Variants in ANO3 observed in about 807,000 individuals in gnomAD.
The protein encoded by ANO3 is anoctamin-3.
A neutral mutation model predicts 144.8 loss-of-function variants in ANO3; 99 were observed. That is an observed-to-expected ratio of 0.68 (90% CI 0.58 to 0.81). The LOEUF is 0.81. Ranked by LOEUF, ANO3 falls within the 30% of genes least tolerant of loss-of-function variation. The pLI is 0.00. For missense variants in ANO3, 905 were observed against 1,202.2 expected, an observed-to-expected ratio of 0.75 and a Z score of 3.66; for synonymous variants, 414 against 392.6, an observed-to-expected ratio of 1.05 and a Z score of -0.64.
At chr11:26,565,058 T>C in intron 14 of ANO3, 1 of 1,107,368 alleles carries the variant, frequency 9.0e-7, no homozygotes, top group Non-Finnish European at 1.3e-6. Flanking sequence ...CATGCTATTG[T>C]GTTCTCTTCT....
At chr11:26,339,121 T>G (rs1855280488) in intron 1 of ANO3, among the ~76,000 whole-genome samples, 1 of 152,092 alleles carries the variant, frequency 6.6e-6, no homozygotes, top group Non-Finnish European at 1.5e-5. Flanking sequence ...ATCTAGGGTT[T>G]GAACGCAGCC....
intron 21 of ANO3, 116 bp from the exon 22 acceptor site, chr11:26,641,780 A>G: frequency 8.9e-7 from 1 of 1,117,958 alleles, no homozygotes; most frequent in Non-Finnish European, 1.2e-6. Flanking sequence ...GTAAAACCAA[A>G]TACCTCCAAT....
chr11:26,366,834 T>C (rs1779783308), intron 1 of ANO3, among the ~76,000 whole-genome samples: 1 of 151,050 alleles, frequency 6.6e-6, no homozygotes, highest in South Asian at 2.1e-4. Context: ...TGTTTGTTTT[T>C]TTCTTGTAAA....
Position 26,568,275 on chromosome 11 carries a change from T to C in ANO3, c.1447+8496T>C, listed in dbSNP as rs1850675411. The stretch of plus-strand genomic sequence containing the variant: ...GAAGAAGGGCTTATTAATCCCACTT[T>C]ACAGATGATTAAGTGGGACATAAAT... On this transcript the variant is annotated intron_variant, in intron 14 of 26. Transcript: ENST00000256737. Among the ~76,000 whole-genome samples the C allele has an allele frequency of 3.3e-5, 5 of 152,078 alleles. No homozygotes were observed. The South Asian group carries it at 1.0e-3, about 31-fold the overall frequency.
intron 1 of ANO3, among the ~76,000 whole-genome samples, chr11:26,415,127 T>G (rs1358891801): frequency 1.3e-5 from 2 of 151,306 alleles, no homozygotes; most frequent in Non-Finnish European, 2.9e-5. Flanking sequence ...ACCTTGATAT[T>G]AGTAGGCCTA....
rs1272549309 is a variant in ANO3, at chr11:26,390,390, T to C, written c.47-51528T>C. ...TTTATTGGTCCAAGTACCTGTGCCC[T>C]TCTTCTCTTCTCCTCCATCTGACCC... is the stretch of plus-strand genomic sequence containing the variant. On this transcript the variant is annotated intron_variant, in intron 1 of 26. Transcript: ENST00000256737. 8.5e-5 allele frequency among the ~76,000 whole-genome samples: 13 copies of C among 152,180 alleles called. No individual in the cohort carries two copies. The South Asian group carries it at 2.5e-3, about 29-fold the overall frequency.
chr11:26,234,178 T>G (rs1045045315), intron 1 of ANO3, among the ~76,000 whole-genome samples: 1 of 152,224 alleles, frequency 6.6e-6, no homozygotes, highest in Non-Finnish European at 1.5e-5. Flanking sequence ...ATAAAAAGTT[T>G]GTTAATAGTT....
At chr11:26,561,270 A>C in intron 14 of ANO3, 1 of 1,449,872 alleles carries the variant, frequency 6.9e-7, no homozygotes, top group Non-Finnish European at 9.2e-7. Flanking sequence ...GATACTCTGA[A>C]AGATTCATGT....
intron 4 of ANO3, among the ~76,000 whole-genome samples, chr11:26,503,164 A>G (rs1861268164): frequency 6.6e-6 from 1 of 152,128 alleles, no homozygotes. Context: ...ACTGCATCCC[A>G]CCCTCTCTGA....
chr11:26,417,498 G>T (rs1180823680), intron 1 of ANO3, among the ~76,000 whole-genome samples: 1 of 152,040 alleles, frequency 6.6e-6, no homozygotes, highest in Non-Finnish European at 1.5e-5. Flanking sequence ...ATTCAAGAGT[G>T]AACAAACAGG....
intron 4 of ANO3, among the ~76,000 whole-genome samples, chr11:26,473,289 C>G (rs1335721667): frequency 6.6e-6 from 1 of 151,874 alleles, no homozygotes; most frequent in Non-Finnish European, 1.5e-5. Flanking sequence ...AAATGTAATC[C>G]TCTGTTGCAT....
intron 18 of ANO3, among the ~76,000 whole-genome samples, chr11:26,629,272 A>G (rs1328186605): frequency 1.3e-5 from 2 of 152,164 alleles, no homozygotes; most frequent in African/African-American, 4.8e-5. Context: ...CAGTAAAATC[A>G]TAGTAATCTT....
chr11:26,558,537 T>C lies in ANO3; in HGVS notation c.1387-1182T>C, dbSNP rs999278547. On this transcript the variant is annotated intron_variant, in intron 13 of 26. Coordinates refer to ENST00000256737, the MANE Select transcript of ANO3 (RefSeq NM_031418.4). ...TATAAATGTACACTGATGATTGTTT[T>C]GAAAACCGATTTTTATATTAATTTT... Among the ~76,000 whole-genome samples the C allele has an allele frequency of 3.9e-5, 6 of 152,272 alleles. No individual in the cohort carries two copies. In the South Asian group the frequency reaches 1.2e-3, roughly 32 times the overall value.
intron 1 of ANO3, among the ~76,000 whole-genome samples, chr11:26,302,285 A>G (rs1309900172): frequency 6.6e-6 from 1 of 152,172 alleles, no homozygotes; most frequent in Non-Finnish European, 1.5e-5. Flanking sequence ...TCACGAGGTC[A>G]AGAGATTGAG....
In ANO3 at chr11:26,525,688, G is replaced by C; in HGVS notation, c.737+9G>C. ...AGCAAATCAATGGGCAGGTTGGTGG[G>C]TGATGAATCATTTCTTTATAACAAA... On this transcript the variant is annotated intron_variant, in intron 7 of 26. Transcript: ENST00000256737. The C allele has an allele frequency of 6.2e-7, 1 of 1,604,020 alleles. No individual in the cohort carries two copies. The highest frequency in any genetic ancestry group is 8.5e-7 in the Non-Finnish European group (1 of 1,175,240).
chr11:26,534,599 G>C (rs1018176188), intron 9 of ANO3, 37 bp downstream of exon 9: 1 of 1,425,298 alleles, frequency 7.0e-7, no homozygotes, highest in African/African-American at 1.4e-5. Flanking sequence ...AGAACTTGCT[G>C]TTACTATTTA....
intron 1 of ANO3, among the ~76,000 whole-genome samples, chr11:26,295,202 C>A: frequency 6.6e-6 from 1 of 152,074 alleles, no homozygotes; most frequent in Non-Finnish European, 1.5e-5. Flanking sequence ...TGTGAGCCAC[C>A]GCGCCTGCCT....
chr11:26,513,380 A>G (rs1008516990), intron 5 of ANO3, among the ~76,000 whole-genome samples: 4 of 152,172 alleles, frequency 2.6e-5, no homozygotes, highest in Non-Finnish European at 5.9e-5. Context: ...AGGAGTCCCA[A>G]CCAAAGATGA....
chr11:26,415,932 C>T (rs1857573190), intron 1 of ANO3, among the ~76,000 whole-genome samples: 1 of 152,004 alleles, frequency 6.6e-6, no homozygotes, highest in Non-Finnish European at 1.5e-5. Context: ...GATGGACTCC[C>T]TTGAGGTTTT....
Sources: gnomAD v4.1 joint callset for allele counts (sites outside exome capture counted in the v4.1 genomes callset) on GRCh38, gnomAD v4.1.1 for gene constraint, MANE v1.5 for transcripts, NCBI Gene and HGNC (gene_info 2026-07-23, HGNC 2026-07-21) for gene names.